The following FOXO3 variants were observed in gnomAD, a reference collection of about 807,000 sequenced individuals.
FOXO3 encodes forkhead box O3.
FOXO3 carries 4 observed loss-of-function variants against 41.9 expected under a neutral mutation model. The observed-to-expected ratio is 0.10, with a 90% CI of 0.05 to 0.22. FOXO3 has a LOEUF of 0.22. Among genes scored for constraint, FOXO3 ranks in the 10% least tolerant of loss-of-function variants. The pLI, the probability that FOXO3 is intolerant of heterozygous loss-of-function variation, is 1.00. For synonymous variants in FOXO3, 318 were observed against 389.3 expected, an observed-to-expected ratio of 0.82 and a Z score of 2.16; for missense variants, 534 against 906.8, an observed-to-expected ratio of 0.59 and a Z score of 5.28.
intron 1 of FOXO3, among the ~76,000 whole-genome samples, chr6:108,567,239 C>G (rs528592844): frequency 2.0e-5 from 3 of 152,156 alleles, no homozygotes; most frequent in Admixed American, 1.3e-4. Flanking sequence ...TTGGAGCTAG[C>G]CTTTAACTCT....
At chr6:108,569,778 G>A (rs1409700610) in intron 1 of FOXO3, among the ~76,000 whole-genome samples, 1 of 152,082 alleles carries the variant, frequency 6.6e-6, no homozygotes, top group African/African-American at 2.4e-5. Context: ...TGGCACATGT[G>A]TAGGGGGCAA....
In FOXO3 at chr6:108,561,340, T is replaced by A. The variant is rs1775778019; in HGVS notation, c.132T>A (p.Pro44=). 1.3e-6 allele frequency: 2 copies of A among 1,569,484 alleles called. No individual in the cohort carries two copies. Among genetic ancestry groups the A allele is most frequent in the Admixed American group, 3.7e-5 (2 of 53,692 alleles). ...AAAGGCCGGAGCTCCAAGCGAGCCCTGCCAAGCCCTCGGGGGAGACGGCCG... is the reference window on the plus strand; with the variant it reads ...AAAGGCCGGAGCTCCAAGCGAGCCCAGCCAAGCCCTCGGGGGAGACGGCCG... The part of the protein sequence containing the change: ...PLQRPELQAS[P]AKPSGETAAD... The change falls in exon 1 of 3, where the codon CCT becomes CCA. Residue 44 remains proline, a synonymous_variant. Coordinates refer to ENST00000406360, the MANE Select transcript of FOXO3 (RefSeq NM_001455.4).
chr6:108,633,968 A>G (rs541006530), intron 1 of FOXO3, among the ~76,000 whole-genome samples: 3 of 152,310 alleles, frequency 2.0e-5, no homozygotes, highest in Non-Finnish European at 4.4e-5. Context: ...ATTGCCGCCA[A>G]ACCTCAAATG....
chr6:108,612,701 AT>A (rs1406767110), intron 1 of FOXO3, among the ~76,000 whole-genome samples: 10 of 151,548 alleles, frequency 6.6e-5, no homozygotes, highest in Non-Finnish European at 1.3e-4. Context: ...TAAAAAAAAA[AT>A]TTTTTTTCTT....
rs190877329 is a variant in FOXO3, at chr6:108,640,572, T to C, written c.622-22883T>C. 3.3e-5 allele frequency among the ~76,000 whole-genome samples: 5 copies of C among 152,366 alleles called. 1 individual carries two copies. The East Asian group carries it at 5.8e-4, about 18-fold the overall frequency. ...TATCTTGATGTTTAAAGTGTTTTTT[T>C]AATGCATCGTTTTCATTTGTGTGAA... On this transcript the variant is annotated intron_variant, in intron 1 of 2. Transcript: ENST00000406360.
rs115001695 is a variant in FOXO3 at position 108,633,825 on chromosome 6, C to T, written c.622-29630C>T. 6.9e-3 allele frequency among the ~76,000 whole-genome samples: 1,039 copies of T among 150,886 alleles called. 12 individuals carry two copies. The highest frequency in any genetic ancestry group is 0.024 in the African/African-American group (1,001 of 40,912). ...TACCTTTGTACTATTTTTTACTTTT[C>T]TTGCACAGAAGTCAATTAAAAAAAA... On this transcript the variant is annotated intron_variant, in intron 1 of 2. Coordinates refer to ENST00000406360, the MANE Select transcript of FOXO3 (RefSeq NM_001455.4).
intron 1 of FOXO3, among the ~76,000 whole-genome samples, chr6:108,605,078 T>C (rs1777156248): frequency 6.6e-6 from 1 of 152,204 alleles, no homozygotes; most frequent in Non-Finnish European, 1.5e-5. Flanking sequence ...AAGTTCATAG[T>C]CACACTCTTT....
chr6:108,613,019 A>G (rs1193842374), intron 1 of FOXO3, among the ~76,000 whole-genome samples: 2 of 152,240 alleles, frequency 1.3e-5, no homozygotes, highest in Non-Finnish European at 2.9e-5. Context: ...TGAGAAGATC[A>G]GATGGTTTTT....
intron 1 of FOXO3, among the ~76,000 whole-genome samples, chr6:108,588,410 T>C (rs1776645511): frequency 6.6e-6 from 1 of 152,220 alleles, no homozygotes; most frequent in Admixed American, 6.5e-5. Context: ...CACAATTACA[T>C]TTGTTTAATG....
At chr6:108,568,458 A>G (rs1021047179) in intron 1 of FOXO3, among the ~76,000 whole-genome samples, 1 of 151,828 alleles carries the variant, frequency 6.6e-6, no homozygotes, top group East Asian at 1.9e-4. Flanking sequence ...TTTTCTTTCA[A>G]CGCCACCTTA....
intron 1 of FOXO3, among the ~76,000 whole-genome samples, chr6:108,594,008 C>T (rs578028397): frequency 2.0e-5 from 3 of 151,988 alleles, no homozygotes; most frequent in African/African-American, 7.3e-5. Context: ...TGTGAGCCAC[C>T]GTGACCGGCC....
At chr6:108,632,002 T>C (rs1396620277) in intron 1 of FOXO3, among the ~76,000 whole-genome samples, 1 of 152,182 alleles carries the variant, frequency 6.6e-6, no homozygotes, top group Non-Finnish European at 1.5e-5. Flanking sequence ...TCTTGTGTTG[T>C]CATTATCTGG....
At chr6:108,616,783 G>A (rs186692915) in intron 1 of FOXO3, among the ~76,000 whole-genome samples, 33 of 152,126 alleles carry the variant, frequency 2.2e-4, no homozygotes, top group African/African-American at 7.7e-4. Flanking sequence ...ATCCATTAGC[G>A]GTCATTTCCC....
At chr6:108,591,886 T>TAA (rs10583126) in intron 1 of FOXO3, among the ~76,000 whole-genome samples, 1 of 150,018 alleles carries the variant, frequency 6.7e-6, no homozygotes. Context: ...TCTTTTTAGT[T>TAA]AAAAAAAAAA....
chr6:108,676,768 T>C (rs554395275), intron 2 of FOXO3, among the ~76,000 whole-genome samples: 15 of 152,306 alleles, frequency 9.8e-5, no homozygotes, highest in African/African-American at 3.6e-4. Context: ...TTTCTGTCCT[T>C]GATTGAATCA....
At chr6:108,594,246 T>C (rs1432501576) in intron 1 of FOXO3, among the ~76,000 whole-genome samples, 2 of 152,206 alleles carry the variant, frequency 1.3e-5, no homozygotes, top group Non-Finnish European at 2.9e-5. Flanking sequence ...AACTGAAGTT[T>C]GTTTGCAAAA....
Position 108,683,125 on chromosome 6 carries a change from C to T in FOXO3, c.*3333C>T, listed in dbSNP as rs1485540169. 6.6e-6 allele frequency: 1 copy of T among 152,646 alleles called. No homozygotes were observed. Among genetic ancestry groups the T allele is most frequent in the Non-Finnish European group, 1.5e-5 (1 of 68,044 alleles). The allele number at this position is 152,646 out of a possible 1,614,324, so 9.5% of individuals were successfully genotyped here. A position where few individuals can be genotyped will look rare whatever the true frequency, so the allele number is the denominator to read the frequency against. ...ATTGCTGAAACACATTTTAAAAATT[C>T]AGAAGCTTGTCACTCCTGTTAATGG... is the stretch of plus-strand genomic sequence containing the variant. On this transcript the variant is annotated 3_prime_UTR_variant, in exon 3 of 3. Transcript: ENST00000406360.
At chr6:108,560,638 G>A (rs1775746275), upstream of FOXO3, among the ~76,000 whole-genome samples, 1 of 152,152 alleles carries the variant, frequency 6.6e-6, no homozygotes, top group African/African-American at 2.4e-5. Flanking sequence ...GCACAGACTT[G>A]AGCGGCGGCG....
At chr6:108,652,316 T>C (rs1257161503) in intron 1 of FOXO3, among the ~76,000 whole-genome samples, 2 of 152,254 alleles carry the variant, frequency 1.3e-5, no homozygotes, top group East Asian at 3.8e-4. Context: ...GTGTCATTTC[T>C]AAAAAATTAG....
Sources: allele counts gnomAD v4.1 joint callset (sites outside exome capture counted in the v4.1 genomes callset), GRCh38; gene constraint gnomAD v4.1.1; transcripts MANE v1.5; gene names NCBI Gene and HGNC (gene_info 2026-07-23, HGNC 2026-07-21).